Variants in BABAM2 observed in about 807,000 individuals in gnomAD.
BABAM2 encodes BRISC and BRCA1-A complex member 2.
Under a neutral mutation model 54.7 loss-of-function variants are expected in BABAM2, and 31 were observed. The ratio of observed to expected loss-of-function variants is 0.57; its 90% confidence interval spans 0.43 to 0.77. The LOEUF (loss-of-function observed/expected upper bound fraction) is 0.77. Among genes scored for constraint, BABAM2 ranks in the 30% least tolerant of loss-of-function variants. The pLI is 0.00. For missense variants in BABAM2, 364 were observed against 455.8 expected (o/e 0.80, Z 1.83); for synonymous variants, 167 against 162.9 (o/e 1.03, Z -0.19).
chr2:27,902,924 T>TGTGAGAGA (rs1305244548), intron 2 of BABAM2, among the ~76,000 whole-genome samples: 1 of 150,002 alleles, frequency 6.7e-6, no homozygotes, highest in African/African-American at 2.5e-5. Context: ...TGTGTGTGTG[T>TGTGAGAGA]GAGAGAGAGA....
intron 11 of BABAM2, among the ~76,000 whole-genome samples, chr2:28,314,985 G>T (rs1689392160): frequency 1.4e-5 from 2 of 143,042 alleles, no homozygotes; most frequent in Non-Finnish European, 3.0e-5. Flanking sequence ...AAGAAGGAAG[G>T]TGGGGAGGGA....
At chr2:28,316,139 T>TA (rs1689533517) in intron 11 of BABAM2, among the ~76,000 whole-genome samples, 1 of 152,186 alleles carries the variant, frequency 6.6e-6, no homozygotes, top group Non-Finnish European at 1.5e-5. Flanking sequence ...AGGACATACT[T>TA]ATACTAAAAA....
intron 2 of BABAM2, among the ~76,000 whole-genome samples, chr2:27,911,849 A>C (rs1446056896): frequency 6.6e-6 from 1 of 152,214 alleles, no homozygotes; most frequent in East Asian, 1.9e-4. Flanking sequence ...ATAAAAAATA[A>C]AAACCAGATC....
At chr2:28,228,668 A>G (rs1401083688) in intron 7 of BABAM2, among the ~76,000 whole-genome samples, 1 of 152,124 alleles carries the variant, frequency 6.6e-6, no homozygotes, top group South Asian at 2.1e-4. Context: ...GAAAAAAAAA[A>G]CTTTTCTTCC....
chr2:28,271,512 GA>G (rs1685429738), intron 10 of BABAM2, among the ~76,000 whole-genome samples: 1 of 152,174 alleles, frequency 6.6e-6, no homozygotes, highest in Non-Finnish European at 1.5e-5. Flanking sequence ...TTCAAAGAAA[GA>G]AATTTTGAGA....
chr2:28,046,835 T>C (rs12614744), intron 6 of BABAM2, among the ~76,000 whole-genome samples: 10 of 151,298 alleles, frequency 6.6e-5, no homozygotes, highest in Non-Finnish European at 1.5e-4. Context: ...CAAGCTGGAG[T>C]GTAGTGGTGT....
At chr2:27,899,321 G>T (rs1261252836) in intron 2 of BABAM2, among the ~76,000 whole-genome samples, 1 of 152,136 alleles carries the variant, frequency 6.6e-6, no homozygotes, top group African/African-American at 2.4e-5. Context: ...TCAGTATCCT[G>T]AGAAACCAGT....
At chr2:28,286,898 T>C (rs574076838) in intron 10 of BABAM2, among the ~76,000 whole-genome samples, 1 of 152,324 alleles carries the variant, frequency 6.6e-6, no homozygotes, top group African/African-American at 2.4e-5. Flanking sequence ...TGGATACATG[T>C]TGTTTTCTCT....
At chr2:27,937,052 T>C (rs1668539221) in intron 3 of BABAM2, among the ~76,000 whole-genome samples, 1 of 152,154 alleles carries the variant, frequency 6.6e-6, no homozygotes, top group African/African-American at 2.4e-5. Context: ...TAAATATAAC[T>C]CTTATATGCA....
intron 6 of BABAM2, among the ~76,000 whole-genome samples, chr2:28,103,495 G>C (rs1667257235): frequency 6.6e-6 from 1 of 152,082 alleles, no homozygotes; most frequent in South Asian, 2.1e-4. Flanking sequence ...TTTTTGTGGA[G>C]ATGGGGTTTT....
In BABAM2 at chr2:27,933,764, GT is replaced by G. The variant is rs59022185; in HGVS notation, c.205+3879del. Among the ~76,000 whole-genome samples, 1,082 of 110,868 alleles carry G rather than the reference GT, an allele frequency of 9.8e-3. 3 individuals carry two copies. The highest frequency in any genetic ancestry group is 0.016 in the African/African-American group (436 of 27,118). The allele number at this position is 110,868 out of a possible 152,430, so 72.7% of individuals were successfully genotyped here. A position where few individuals can be genotyped will look rare whatever the true frequency, so the allele number is the denominator to read the frequency against. On this transcript the variant is annotated intron_variant, in intron 3 of 11. Transcript: ENST00000379624. ...AGGCGTGAGCCACTATGCCTGGCTT[GT>G]TTTTTTTTTTTTTTTTTTTTTTGAG... is the stretch of plus-strand genomic sequence containing the variant.
intron 6 of BABAM2, among the ~76,000 whole-genome samples, chr2:28,080,074 C>T (rs559699972): frequency 6.6e-5 from 10 of 152,092 alleles, no homozygotes; most frequent in Non-Finnish European, 1.3e-4. Context: ...ACCCTTCAGC[C>T]ACTCCTTCTA....
At chr2:28,085,850 G>A (rs575013921) in intron 6 of BABAM2, among the ~76,000 whole-genome samples, 45 of 152,202 alleles carry the variant, frequency 3.0e-4, no homozygotes, top group African/African-American at 1.1e-3. Context: ...TATCAGAGAA[G>A]ATTATGTCTT....
At chr2:28,116,121 A>T (rs1412951092) in intron 6 of BABAM2, among the ~76,000 whole-genome samples, 1 of 152,112 alleles carries the variant, frequency 6.6e-6, no homozygotes, top group Non-Finnish European at 1.5e-5. Context: ...GTCTCAAAAA[A>T]AAAAAAAGAA....
intron 6 of BABAM2, among the ~76,000 whole-genome samples, chr2:28,052,667 C>T (rs114901223): frequency 0.023 from 3,509 of 152,172 alleles, 65 homozygotes; most frequent in Admixed American, 0.034. Context: ...AATGTTCTCT[C>T]CTGGAAAAGT....
At chr2:28,073,114 C>T (rs1220612090) in intron 6 of BABAM2, among the ~76,000 whole-genome samples, 1 of 152,220 alleles carries the variant, frequency 6.6e-6, no homozygotes, top group Non-Finnish European at 1.5e-5. Flanking sequence ...CTCTAATCCT[C>T]CCCTTCTCAT....
chr2:28,137,540 A>G (rs756713221), intron 7 of BABAM2, among the ~76,000 whole-genome samples: 35 of 152,220 alleles, frequency 2.3e-4, no homozygotes, highest in Non-Finnish European at 4.7e-4. Context: ...TGCCTCCCAA[A>G]AGATCAAGAG....
chr2:27,945,490 G>C (rs1325783680), intron 3 of BABAM2, among the ~76,000 whole-genome samples: 1 of 152,142 alleles, frequency 6.6e-6, no homozygotes, highest in Non-Finnish European at 1.5e-5. Context: ...GGTAGTATAA[G>C]TCCTGTAACT....
At chr2:27,956,796 A>T (rs1369915773) in intron 3 of BABAM2, among the ~76,000 whole-genome samples, 1 of 152,224 alleles carries the variant, frequency 6.6e-6, no homozygotes. Flanking sequence ...GTTTGCCAAC[A>T]TTTGGACTAG....
Sources: allele counts gnomAD v4.1 joint callset (sites outside exome capture counted in the v4.1 genomes callset), GRCh38; gene constraint gnomAD v4.1.1; transcripts MANE v1.5; gene names NCBI Gene and HGNC (gene_info 2026-07-23, HGNC 2026-07-21).